Variants in NEDD4L observed in about 807,000 individuals in gnomAD.
NEDD4L encodes NEDD4 like E3 ubiquitin protein ligase.
NEDD4L carries 54 observed loss-of-function variants against 148.9 expected under a neutral mutation model. That is an observed-to-expected ratio of 0.36 (90% CI 0.29 to 0.45). The LOEUF is 0.45. Ranked by LOEUF, NEDD4L falls within the 20% of genes least tolerant of loss-of-function variation. NEDD4L has a pLI of 1.00. For synonymous variants in NEDD4L, 433 were observed against 440.7 expected (o/e 0.98, Z 0.22); for missense variants, 856 against 1,233.8 (o/e 0.69, Z 4.59).
Position 58,396,419 on chromosome 18 carries a change from C to T in NEDD4L, c.*150C>T, listed in dbSNP as rs1023447624. On this transcript the variant is annotated 3_prime_UTR_variant, in exon 31 of 31. Coordinates refer to ENST00000400345, the MANE Select transcript of NEDD4L (RefSeq NM_001144967.3). Reference sequence around the variant, plus strand: ...CCTTCACCACGCACTCGTCCAAGTTCGGATGCGGGAACCTGGTCCCAGCTT... The same window carrying T: ...CCTTCACCACGCACTCGTCCAAGTTTGGATGCGGGAACCTGGTCCCAGCTT... 5.1e-5 allele frequency: 29 copies of T among 563,960 alleles called. 1 individual carries two copies. In the South Asian group the frequency reaches 5.3e-4, roughly 10 times the overall value. The allele number at this position is 563,960 out of a possible 1,614,324, so 34.9% of individuals were successfully genotyped here.
chr18:58,109,847 C>G (rs1038748402), intron 1 of NEDD4L, among the ~76,000 whole-genome samples: 2 of 152,156 alleles, frequency 1.3e-5, no homozygotes, highest in Admixed American at 6.5e-5. Flanking sequence ...GGATTACAGG[C>G]ATGAGCCACC....
At chr18:58,356,980 TTGAG>T (rs2044752953) in intron 18 of NEDD4L, among the ~76,000 whole-genome samples, 3 of 152,320 alleles carry the variant, frequency 2.0e-5, no homozygotes, top group Admixed American at 1.3e-4. Context: ...GCATTTTTGA[TTGAG>T]TGTTTTTAAC....
Position 58,396,352 on chromosome 18 carries a change from CG to C in NEDD4L, c.*84del, listed in dbSNP as rs2050490534. 1 of 922,028 alleles carries C rather than the reference CG, an allele frequency of 1.1e-6. No homozygotes were observed. The highest frequency in any genetic ancestry group is 1.7e-6 in the Non-Finnish European group (1 of 579,146). 57.1% of individuals were successfully genotyped at this position (922,028 alleles called of 1,614,324 possible). A position where few individuals can be genotyped will look rare whatever the true frequency, so the allele number is the denominator to read the frequency against. On this transcript the variant is annotated 3_prime_UTR_variant, in exon 31 of 31. Transcript: ENST00000400345. ...TTTGCCTAACAGACTTTTGCAGAGG[CG>C]ATGGCAGAGAGCAGCTGCAGGCATG...
intron 1 of NEDD4L, among the ~76,000 whole-genome samples, chr18:58,153,795 C>G (rs907943971): frequency 6.6e-6 from 1 of 151,836 alleles, no homozygotes. Flanking sequence ...TACAGGCGCC[C>G]GCCACCACGC....
intron 23 of NEDD4L, chr18:58,372,186 T>G (rs976177197): frequency 2.6e-5 from 4 of 152,174 alleles, no homozygotes; most frequent in African/African-American, 9.7e-5. Flanking sequence ...CAACCATAGT[T>G]CACTGCAGCC....
chr18:58,182,596 C>T (rs1314556496), intron 2 of NEDD4L, among the ~76,000 whole-genome samples: 1 of 150,328 alleles, frequency 6.7e-6, no homozygotes, highest in African/African-American at 2.5e-5. Context: ...TCACTGCAAC[C>T]TCAGCCTCCC....
intron 2 of NEDD4L, among the ~76,000 whole-genome samples, chr18:58,207,773 G>GT (rs1254864667): frequency 4.6e-5 from 7 of 152,194 alleles, no homozygotes; most frequent in Non-Finnish European, 8.8e-5. Flanking sequence ...TCCAGGTCAG[G>GT]TTTTTTGTTC....
At chr18:58,206,321 A>C (rs1201144098) in intron 2 of NEDD4L, among the ~76,000 whole-genome samples, 1 of 152,162 alleles carries the variant, frequency 6.6e-6, no homozygotes, top group African/African-American at 2.4e-5. Context: ...CCCAGGAGAC[A>C]GAGGTTGCAG....
intron 24 of NEDD4L, among the ~76,000 whole-genome samples, chr18:58,374,728 G>C (rs768301007): frequency 2.0e-5 from 3 of 150,714 alleles, no homozygotes; most frequent in African/African-American, 4.9e-5. Flanking sequence ...CTTTCACTCC[G>C]GGCTCTCACC....
intron 1 of NEDD4L, among the ~76,000 whole-genome samples, chr18:58,075,268 A>G (rs1444056564): frequency 6.6e-6 from 1 of 152,148 alleles, no homozygotes; most frequent in Non-Finnish European, 1.5e-5. Context: ...CTCCCGCCTC[A>G]GCCTCCTGAG....
chr18:58,372,138 G>C (rs1001386240), intron 23 of NEDD4L: 1 of 152,126 alleles, frequency 6.6e-6, no homozygotes, highest in Non-Finnish European at 1.5e-5. Flanking sequence ...TTTGGCGATA[G>C]AATCTTATTC....
At chr18:58,044,750 T>TC (rs1229523680) in intron 1 of NEDD4L, 42 bp downstream of exon 1, 1 of 1,592,142 alleles carries the variant, frequency 6.3e-7, no homozygotes, top group African/African-American at 1.4e-5. Flanking sequence ...CCCGGGGAGT[T>TC]CCTATCCCGC....
At chr18:58,154,891 T>TG (rs144287039) in intron 1 of NEDD4L, among the ~76,000 whole-genome samples, 2,910 of 152,296 alleles carry the variant, frequency 0.019, 84 homozygotes, top group African/African-American at 0.066. Context: ...AAAATGTGTT[T>TG]GTATATGTAA....
At chr18:58,144,479 C>T (rs1159633905) in intron 1 of NEDD4L, among the ~76,000 whole-genome samples, 1 of 152,182 alleles carries the variant, frequency 6.6e-6, no homozygotes, top group African/African-American at 2.4e-5. Flanking sequence ...CCAAGCCCCA[C>T]CTCCAACACC....
rs79995608 is a variant in NEDD4L, at chr18:58,138,494, C to A, written c.49-27294C>A. ...TTTTAGTTAGTTTTTGGATACATTACGAAGTAATGTGGGAAGTAAGCATCT... is the reference window on the plus strand; with the variant it reads ...TTTTAGTTAGTTTTTGGATACATTAAGAAGTAATGTGGGAAGTAAGCATCT... On this transcript the variant is annotated intron_variant, in intron 1 of 30. Transcript: ENST00000400345. Among the ~76,000 whole-genome samples the A allele has an allele frequency of 4.2e-4, 64 of 151,960 alleles. No individual in the cohort carries two copies. In the East Asian group the frequency reaches 9.1e-3, roughly 22 times the overall value.
chr18:58,229,738 G>T (rs1240646301), intron 2 of NEDD4L, among the ~76,000 whole-genome samples: 2 of 152,004 alleles, frequency 1.3e-5, no homozygotes, highest in Non-Finnish European at 2.9e-5. Flanking sequence ...ATGCCTGTAA[G>T]CCCAACACTT....
At chr18:58,350,040 C>G (rs1405962447) in intron 17 of NEDD4L, among the ~76,000 whole-genome samples, 1 of 152,148 alleles carries the variant, frequency 6.6e-6, no homozygotes, top group Non-Finnish European at 1.5e-5. Context: ...AGTCATTTAA[C>G]CTGCAGATTT....
intron 5 of NEDD4L, among the ~76,000 whole-genome samples, chr18:58,263,219 C>T (rs1157434839): frequency 1.3e-5 from 2 of 152,300 alleles, no homozygotes; most frequent in East Asian, 1.9e-4. Flanking sequence ...TAATGTTAAG[C>T]ATTATGCCAC....
intron 2 of NEDD4L, among the ~76,000 whole-genome samples, chr18:58,223,918 T>C (rs189707756): frequency 2.3e-3 from 350 of 152,264 alleles, no homozygotes; most frequent in Non-Finnish European, 3.8e-3. Context: ...TATTTGTGCT[T>C]CCTCTGTGCC....
Sources: allele counts gnomAD v4.1 joint callset (sites outside exome capture counted in the v4.1 genomes callset), GRCh38; gene constraint gnomAD v4.1.1; transcripts MANE v1.5; gene names NCBI Gene and HGNC (gene_info 2026-07-23, HGNC 2026-07-21).